RPAP2: variants seen among roughly 807,000 people sequenced by gnomAD.
RPAP2 encodes putative RNA polymerase II subunit B1 CTD phosphatase RPAP2.
A neutral mutation model predicts 73.1 loss-of-function variants in RPAP2; 52 were observed. That is an observed-to-expected ratio of 0.71 (90% CI 0.57 to 0.90). The LOEUF (loss-of-function observed/expected upper bound fraction) is 0.90, where lower values mean the gene tolerates loss of function less well. RPAP2 is among the 40% of genes least tolerant of loss of function. The pLI, the probability that RPAP2 is intolerant of heterozygous loss-of-function variation, is 0.00. For missense variants in RPAP2, 598 were observed against 701.8 expected (o/e 0.85, Z 1.67); for synonymous variants, 225 against 242.1 (o/e 0.93, Z 0.65).
rs1305970767 is a variant in RPAP2, at chr1:92,389,244, C to G, written c.*2233C>G. On this transcript the variant is annotated 3_prime_UTR_variant, in exon 13 of 13. Transcript: ENST00000610020. The stretch of plus-strand genomic sequence containing the variant: ...GTTCTGCAGCCTCCACTGGTGACAC[C>G]CAGGCAAACAGGGTCTGGAGTGGAC... 1 of 153,654 alleles carries G rather than the reference C, an allele frequency of 6.5e-6. No homozygotes were observed. The highest frequency in any genetic ancestry group is 1.4e-5 in the Non-Finnish European group (1 of 69,296). The allele number at this position is 153,654 out of a possible 1,614,324, so 9.5% of individuals were successfully genotyped here.
At position 92,336,376 on chromosome 1, in the gene RPAP2, T is replaced by G. The variant is rs752345965; in HGVS notation, c.1568T>G (p.Ile523Ser). The G allele has an allele frequency of 4.3e-6, 7 of 1,610,858 alleles. No homozygotes were observed. Among genetic ancestry groups the G allele is most frequent in the Non-Finnish European group, 5.9e-6 (7 of 1,178,246 alleles). The change falls in exon 10 of 13, where the codon ATT becomes AGT. Residue 523 changes from isoleucine (I) to serine (S), a missense_variant. By Grantham distance (142) the Ile-to-Ser change is moderately radical (BLOSUM62 -2). Around this residue, in one of 3 missense-constraint regions of RPAP2, gnomAD observed 506 missense variants for 612.8 expected, o/e 0.83. Transcript: ENST00000610020. ...VLPGLLVPLQ[I>S]TLGDIYTQLK... ...CCTGGGCTTCTGGTTCCTCTTCAGA[T>G]TACATTGGGAGATATTTACACACAA...
intron 12 of RPAP2, among the ~76,000 whole-genome samples, chr1:92,385,828 G>C (rs1336385170): frequency 1.3e-5 from 2 of 152,206 alleles, no homozygotes; most frequent in Non-Finnish European, 2.9e-5. Context: ...CAGGAATCTA[G>C]GTGCAGTTGA....
chr1:92,343,331 G>A (rs946885914), intron 10 of RPAP2, among the ~76,000 whole-genome samples: 8 of 152,198 alleles, frequency 5.3e-5, no homozygotes, highest in African/African-American at 1.9e-4. Context: ...ACCCTGTGAG[G>A]TGGGTGATAT....
rs553462128 is a variant in RPAP2 at position 92,303,908 on chromosome 1, G to C, written c.235-69G>C. The C allele has an allele frequency of 3.4e-4, 350 of 1,024,430 alleles. 2 individuals are homozygous for C. Among genetic ancestry groups the C allele is most frequent in the Non-Finnish European group, 4.6e-4 (306 of 670,578 alleles). 63.5% of individuals were successfully genotyped at this position (1,024,430 alleles called of 1,614,324 possible). A position where few individuals can be genotyped will look rare whatever the true frequency, so the allele number is the denominator to read the frequency against. ...CTGTGTTTTCAGATAAGATTGATGA[G>C]GCTTAGAGAGCTGATAAATGAACTT... On this transcript the variant is annotated intron_variant, in intron 3 of 12. Transcript: ENST00000610020.
chr1:92,345,865 A>G lies in RPAP2; in HGVS notation c.1639A>G (p.Ile547Val). Residue 547 changes from isoleucine to valine, a missense_variant, in exon 11 of 13, where the codon ATA becomes GTA. Ile to Val is a conservative substitution (Grantham distance 29). This residue lies in a region of RPAP2 where 506 missense variants were observed against 612.8 expected (regional missense o/e 0.83). Transcript: ENST00000610020. Reference protein sequence around the residue: ...RTFRLTNRNIIHKPAEWTLIA... With the variant: ...RTFRLTNRNIVHKPAEWTLIA... ...TTTCAGGTTAACAAATAGAAATATT[A>G]TACACAAACCTGCGGAATGGACTTT... 6.2e-7 allele frequency: 1 copy of G among 1,601,018 alleles called. No homozygotes were observed. The highest frequency in any genetic ancestry group is 8.6e-7 in the Non-Finnish European group (1 of 1,169,564).
chr1:92,324,956 G>T (rs544617663), intron 8 of RPAP2, among the ~76,000 whole-genome samples: 2 of 152,206 alleles, frequency 1.3e-5, no homozygotes, highest in African/African-American at 2.4e-5. Context: ...TAGTTTCTTG[G>T]TCTGTTTGCT....
chr1:92,362,608 C>A (rs996016442), intron 11 of RPAP2, among the ~76,000 whole-genome samples: 7 of 152,156 alleles, frequency 4.6e-5, no homozygotes, highest in Non-Finnish European at 7.4e-5. Context: ...CCGAGTGCAG[C>A]AAAAGCACTT....
chr1:92,322,972 A>C (rs1652380999), intron 7 of RPAP2, among the ~76,000 whole-genome samples: 1 of 146,720 alleles, frequency 6.8e-6, no homozygotes, highest in Non-Finnish European at 1.5e-5. Context: ...ATATATGTAC[A>C]AGTATATATT....
intron 11 of RPAP2, among the ~76,000 whole-genome samples, chr1:92,357,633 G>GT (rs1290211411): frequency 6.6e-6 from 1 of 152,232 alleles, no homozygotes; most frequent in African/African-American, 2.4e-5. Flanking sequence ...CCAGGTTCAA[G>GT]TGATTCTTGT....
At chr1:92,340,626 C>T (rs1270011663) in intron 10 of RPAP2, among the ~76,000 whole-genome samples, 1 of 152,148 alleles carries the variant, frequency 6.6e-6, no homozygotes, top group Non-Finnish European at 1.5e-5. Context: ...GGGTTGGGCT[C>T]AGACATTAGT....
At chr1:92,356,215 G>A (rs1000531129) in intron 11 of RPAP2, among the ~76,000 whole-genome samples, 16 of 151,970 alleles carry the variant, frequency 1.1e-4, no homozygotes, top group Non-Finnish European at 2.1e-4. Context: ...GGTTTCAAGT[G>A]ATCCACCTGC....
At chr1:92,309,813 A>G (rs1651484376) in intron 6 of RPAP2, among the ~76,000 whole-genome samples, 1 of 152,224 alleles carries the variant, frequency 6.6e-6, no homozygotes, top group African/African-American at 2.4e-5. Flanking sequence ...GATATTGAAC[A>G]TTGGCCCACT....
intron 11 of RPAP2, among the ~76,000 whole-genome samples, chr1:92,348,672 C>T (rs1049088933): frequency 3.3e-5 from 5 of 152,120 alleles, no homozygotes; most frequent in Non-Finnish European, 7.4e-5. Flanking sequence ...AACTGATAGA[C>T]TTTTTTTATC....
rs148460142 is a variant in RPAP2 at position 92,319,336 on chromosome 1, T to C, written c.489-1263T>C. 7.1e-3 allele frequency among the ~76,000 whole-genome samples: 1,085 copies of C among 152,368 alleles called. 14 individuals carry two copies. The highest frequency in any genetic ancestry group is 0.025 in the African/African-American group (1,043 of 41,584). On this transcript the variant is annotated intron_variant, in intron 6 of 12. Transcript: ENST00000610020. ...CTGGCTTCACCACCTACTAGCTGTG[T>C]GATTTTGGGCAAATTGCTTATTCTC...
chr1:92,320,304 C>T (rs1271235191), intron 6 of RPAP2, among the ~76,000 whole-genome samples: 2 of 151,988 alleles, frequency 1.3e-5, no homozygotes, highest in Non-Finnish European at 2.9e-5. Context: ...GATGGAGTCT[C>T]GCTCTGTCGC....
At chr1:92,328,203 C>G (rs1392659994) in intron 8 of RPAP2, among the ~76,000 whole-genome samples, 1 of 152,068 alleles carries the variant, frequency 6.6e-6, no homozygotes, top group Non-Finnish European at 1.5e-5. Context: ...GTGTAGGTCT[C>G]TAGCAAGGCT....
chr1:92,323,075 T>A (rs1557600293), intron 7 of RPAP2, among the ~76,000 whole-genome samples: 1 of 144,848 alleles, frequency 6.9e-6, no homozygotes, highest in Non-Finnish European at 1.5e-5. Context: ...ATATATATAT[T>A]TATATATATA....
chr1:92,330,832 A>C (rs1236207923), intron 8 of RPAP2, among the ~76,000 whole-genome samples: 1 of 152,194 alleles, frequency 6.6e-6, no homozygotes, highest in Non-Finnish European at 1.5e-5. Context: ...AGTGCTTACT[A>C]TACAATGTGT....
At chr1:92,339,265 T>C (rs1277251071) in intron 10 of RPAP2, among the ~76,000 whole-genome samples, 9 of 152,096 alleles carry the variant, frequency 5.9e-5, no homozygotes, top group African/African-American at 1.9e-4. Context: ...TGGAAGCTTA[T>C]TAGAATCACC....
Sources: allele counts gnomAD v4.1 joint callset (sites outside exome capture counted in the v4.1 genomes callset), GRCh38; gene constraint gnomAD v4.1.1; regional missense constraint gnomAD v4.1.1; transcripts MANE v1.5; gene names NCBI Gene and HGNC (gene_info 2026-07-23, HGNC 2026-07-21).